The following COL27A1 variants were observed in gnomAD, a reference collection of about 807,000 sequenced individuals.
The protein encoded by COL27A1 is collagen alpha-1(XXVII) chain.
In COL27A1, 106 loss-of-function variants were observed where a neutral mutation model predicts 251.3. The observed-to-expected ratio is 0.42, with a 90% CI of 0.36 to 0.50. The LOEUF is 0.50. Ranked by LOEUF, COL27A1 falls within the 20% of genes least tolerant of loss-of-function variation. The probability of loss-of-function intolerance (pLI) is 0.00; values close to 1 mark genes in which losing one functional copy is unlikely to be tolerated. For synonymous variants in COL27A1, 1,000 were observed against 986.3 expected (o/e 1.01, Z -0.26); for missense variants, 2,325 against 2,522.8 (o/e 0.92, Z 1.68).
At chr9:114,227,808 T>C (rs1831599070) in intron 14 of COL27A1, among the ~76,000 whole-genome samples, 2 of 152,148 alleles carry the variant, frequency 1.3e-5, no homozygotes, top group South Asian at 4.1e-4. Context: ...TTATTCTTTT[T>C]CATGGGGACA....
Position 114,258,553 on chromosome 9 carries a change from T to C in COL27A1, c.3154T>C (p.Ser1052Pro). The change falls in exon 28 of 61, where the codon TCT (serine) becomes CCT (proline). Residue 1052 changes from serine to proline, a missense_variant. Physicochemically the swap from Ser to Pro is moderately conservative, Grantham distance 74. This residue lies in a region of COL27A1 where 662 missense variants were observed against 795.3 expected (regional missense o/e 0.83). Transcript: ENST00000356083. ...GEPGPQGPPG[S>P]RGPPGMRGAK... The stretch of plus-strand genomic sequence containing the variant: ...CTCCTCTTCCCAGGGTCCTCCAGGA[T>C]CTCGAGGCCCACCAGGCATGAGGGG... 1 of 1,613,914 alleles carries C rather than the reference T, an allele frequency of 6.2e-7. No individual in the cohort carries two copies. Among genetic ancestry groups the C allele is most frequent in the African/African-American group, 1.3e-5 (1 of 74,992 alleles).
intron 54 of COL27A1, 90 bp from the exon 55 acceptor site, chr9:114,301,592 G>A (rs1828642367): frequency 6.6e-7 from 1 of 1,525,374 alleles, no homozygotes; most frequent in Non-Finnish European, 8.9e-7. Flanking sequence ...CATTGTCCCT[G>A]GGTCCCAGGT....
intron 16 of COL27A1, among the ~76,000 whole-genome samples, chr9:114,235,182 A>G (rs893191808): frequency 1.3e-5 from 2 of 152,050 alleles, no homozygotes; most frequent in Non-Finnish European, 1.5e-5. Flanking sequence ...AATTGAGCAG[A>G]CACAAACGCT....
intron 7 of COL27A1, among the ~76,000 whole-genome samples, chr9:114,196,429 A>C (rs1391678568): frequency 6.6e-6 from 1 of 152,110 alleles, no homozygotes; most frequent in Non-Finnish European, 1.5e-5. Flanking sequence ...CATGAGATGG[A>C]GACAATGATC....
intron 58 of COL27A1, chr9:114,307,271 G>T: frequency 5.4e-6 from 1 of 184,436 alleles, no homozygotes; most frequent in Non-Finnish European, 1.1e-5. Flanking sequence ...CTGGCTGATG[G>T]GGTGGGAGAC....
rs56258251 is a variant in COL27A1, at chr9:114,210,026, T to C, written c.2322+298T>C. 4.2e-3 allele frequency among the ~76,000 whole-genome samples: 632 copies of C among 152,240 alleles called. 5 individuals are homozygous for C. The highest frequency in any genetic ancestry group is 0.015 in the African/African-American group (610 of 41,538). On this transcript the variant is annotated intron_variant, in intron 11 of 60. Transcript: ENST00000356083. The stretch of plus-strand genomic sequence containing the variant: ...GAGGCTGGAGAGGACCCTGGGGCAA[T>C]GTCTTAGGTGCCCAGGACTAAGGTT...
intron 5 of COL27A1, among the ~76,000 whole-genome samples, chr9:114,184,616 A>G (rs989802123): frequency 3.3e-5 from 5 of 152,210 alleles, no homozygotes; most frequent in African/African-American, 9.6e-5. Flanking sequence ...CACAGGGTGA[A>G]CACTGATGAT....
At chr9:114,301,998 A>G in intron 55 of COL27A1, 84 bp from the exon 56 acceptor site, 1 of 1,346,324 alleles carries the variant, frequency 7.4e-7, no homozygotes, top group East Asian at 2.3e-5. Flanking sequence ...GCATGCTTTG[A>G]TGGTCTCCCT....
In COL27A1 at chr9:114,264,953, C is replaced by A; in HGVS notation, c.3279C>A (p.Gly1093=). ...CTCCAGGACCCCAGGGCAGACCGGGCCGGCCTGGACAGCAGGTATGTCAGG... is the reference window on the plus strand; with the variant it reads ...CTCCAGGACCCCAGGGCAGACCGGGACGGCCTGGACAGCAGGTATGTCAGG... ...KGPPGPQGRP[G]RPGQQGVAGE... Residue 1093 remains glycine (G), a synonymous_variant, in exon 30 of 61, where the codon GGC becomes GGA. Coordinates refer to ENST00000356083, the MANE Select transcript of COL27A1 (RefSeq NM_032888.4). 6.2e-7 allele frequency: 1 copy of A among 1,613,182 alleles called. No homozygotes were observed. Among genetic ancestry groups the A allele is most frequent in the Non-Finnish European group, 8.5e-7 (1 of 1,179,462 alleles).
At chr9:114,170,617 G>A (rs776183192) in intron 3 of COL27A1, among the ~76,000 whole-genome samples, 1 of 152,190 alleles carries the variant, frequency 6.6e-6, no homozygotes, top group Non-Finnish European at 1.5e-5. Flanking sequence ...TATCCAGCCT[G>A]TCTCCAAGAG....
rs557185402 is a variant in COL27A1 at position 114,232,890 on chromosome 9, G to A, written c.2565+1024G>A. ...GTTCGAGACCAGTCTGGCCAATATG[G>A]TGAAACCCCGTCTCTACTAAAAATA... On this transcript the variant is annotated intron_variant, in intron 16 of 60. Coordinates refer to ENST00000356083, the MANE Select transcript of COL27A1 (RefSeq NM_032888.4). Among the ~76,000 whole-genome samples the A allele has an allele frequency of 1.0e-3, 158 of 152,320 alleles. 2 individuals carry two copies. Among genetic ancestry groups the A allele is most frequent in the Non-Finnish European group, 1.1e-3 (78 of 68,028 alleles).
Position 114,301,375 on chromosome 9 carries a change from G to A in COL27A1, c.4791+56G>A, listed in dbSNP as rs569793208. The A allele has an allele frequency of 2.4e-5, 39 of 1,612,134 alleles. No individual in the cohort carries two copies. The South Asian group carries it at 3.3e-4, about 14-fold the overall frequency. The stretch of plus-strand genomic sequence containing the variant: ...AGCACTGCAGGGGCGGGGGAGGGGT[G>A]GGCTCCCAGAGTTGGGCCATGGCTC... On this transcript the variant is annotated intron_variant, in intron 53 of 60. Transcript: ENST00000356083.
chr9:114,270,656 G>A (rs2787347), intron 35 of COL27A1, 72 bp from the exon 36 acceptor site: 1 of 1,225,588 alleles, frequency 8.2e-7, no homozygotes, highest in Non-Finnish European at 1.2e-6. Flanking sequence ...CAGGGAGGGG[G>A]AAGAGAGGAA....
In COL27A1 at chr9:114,307,549, C is replaced by A. The variant is rs1265892; in HGVS notation, c.5108-120C>A. On this transcript the variant is annotated intron_variant, in intron 58 of 60. Transcript: ENST00000356083. ...GAGGAATCCCTTTTCTGCTCACCCA[C>A]CCTGACTTCATGCTCACCTGGGGCT... 6.3e-3 allele frequency: 4,588 copies of A among 733,618 alleles called. 130 individuals carry two copies. In the African/African-American group the frequency reaches 0.071, roughly 11 times the overall value. 45.4% of individuals were successfully genotyped at this position (733,618 alleles called of 1,614,324 possible). A position where few individuals can be genotyped will look rare whatever the true frequency, so the allele number is the denominator to read the frequency against.
chr9:114,166,444 T>TATCCATCCATCC (rs112047520), intron 2 of COL27A1, among the ~76,000 whole-genome samples: 7,374 of 140,848 alleles, frequency 0.052, 227 homozygotes, highest in African/African-American at 0.078. Flanking sequence ...TCCATTCATC[T>TATCCATCCATCC]ATCCATCCAT....
At position 114,162,718 on chromosome 9, in the gene COL27A1, G is replaced by T. The variant is rs1402569482; in HGVS notation, c.66G>T (p.Gly22=). The T allele has an allele frequency of 1.9e-6, 3 of 1,611,950 alleles. No homozygotes were observed. The highest frequency in any genetic ancestry group is 3.3e-5 in the Admixed American group (2 of 59,834). ...GCTTGTGTCTCCTGGTCTCTAGGGG[G>T]TTTCTCTTCTCCTGGATCTTAGTCT... is the stretch of plus-strand genomic sequence containing the variant. ...TAAAAAARGG[G]FLFSWILVSF... Residue 22 remains glycine, a synonymous_variant, in exon 2 of 61, where the codon GGG becomes GGT. Coordinates refer to ENST00000356083, the MANE Select transcript of COL27A1 (RefSeq NM_032888.4).
chr9:114,235,772 C>CT, intron 17 of COL27A1, 120 bp downstream of exon 17: 1 of 759,042 alleles, frequency 1.3e-6, no homozygotes, highest in African/African-American at 1.7e-5. Context: ...CGGCTGCCCT[C>CT]GAAATAATCC....
intron 16 of COL27A1, among the ~76,000 whole-genome samples, chr9:114,233,273 G>A (rs1832093920): frequency 6.6e-6 from 1 of 152,204 alleles, no homozygotes; most frequent in Non-Finnish European, 1.5e-5. Flanking sequence ...TGGACTCTTA[G>A]AACATTAGAA....
chr9:114,194,052 C>T (rs1206372808), intron 5 of COL27A1, among the ~76,000 whole-genome samples: 1 of 152,116 alleles, frequency 6.6e-6, no homozygotes, highest in Non-Finnish European at 1.5e-5. Context: ...TGGGACATGG[C>T]TGGGGCGTGG....
Sources: allele counts gnomAD v4.1 joint callset (sites outside exome capture counted in the v4.1 genomes callset), GRCh38; gene constraint gnomAD v4.1.1; regional missense constraint gnomAD v4.1.1; transcripts MANE v1.5; gene names NCBI Gene and HGNC (gene_info 2026-07-23, HGNC 2026-07-21).